The following PTPRD variants were observed in gnomAD, a reference collection of about 807,000 sequenced individuals.
PTPRD encodes the protein receptor-type tyrosine-protein phosphatase delta.
In PTPRD, 34 loss-of-function variants were observed where a neutral mutation model predicts 214.5. The ratio of observed to expected loss-of-function variants is 0.16; its 90% CI spans 0.12 to 0.21. PTPRD has a LOEUF of 0.21. Ranked by LOEUF, PTPRD falls within the 10% of genes least tolerant of loss-of-function variation. The pLI, the probability that PTPRD is intolerant of heterozygous loss-of-function variation, is 1.00. For synonymous variants in PTPRD, 1,128 were observed against 845.7 expected (o/e 1.33, Z -5.79); for missense variants, 2,545 against 2,398.7 (o/e 1.06, Z -1.27).
chr9:10,152,251 A>T (rs2099065972), intron 3 of PTPRD, among the ~76,000 whole-genome samples: 1 of 152,080 alleles, frequency 6.6e-6, no homozygotes, highest in South Asian at 2.1e-4. Context: ...TCATGGTTTC[A>T]ATCTGTATTT....
chr9:10,009,698 G>C (rs1411133155), intron 4 of PTPRD, among the ~76,000 whole-genome samples: 1 of 105,050 alleles, frequency 9.5e-6, no homozygotes, highest in Admixed American at 9.4e-5. Context: ...AAAGGGAAGG[G>C]GATTTACGGA....
chr9:10,393,205 T>C (rs1047709516), intron 2 of PTPRD, among the ~76,000 whole-genome samples: 3 of 151,848 alleles, frequency 2.0e-5, no homozygotes, highest in African/African-American at 7.2e-5. Flanking sequence ...ATAGTGTCCA[T>C]AGTAATAAAC....
chr9:9,387,730 G>T (rs1000855072), intron 9 of PTPRD, among the ~76,000 whole-genome samples: 1 of 152,134 alleles, frequency 6.6e-6, no homozygotes, highest in Non-Finnish European at 1.5e-5. Flanking sequence ...GGGCCTATGG[G>T]ATGGGGGCAT....
intron 2 of PTPRD, among the ~76,000 whole-genome samples, chr9:10,511,907 T>A (rs1332889978): frequency 7.9e-6 from 1 of 127,038 alleles, no homozygotes; most frequent in Non-Finnish European, 1.7e-5. Flanking sequence ...TATATACATA[T>A]ATATATACGT....
At chr9:10,271,276 A>G (rs2094402924) in intron 3 of PTPRD, among the ~76,000 whole-genome samples, 3 of 152,164 alleles carry the variant, frequency 2.0e-5, no homozygotes, top group Non-Finnish European at 4.4e-5. Flanking sequence ...GGAACAGAAG[A>G]CAATCTATGT....
intron 3 of PTPRD, among the ~76,000 whole-genome samples, chr9:10,089,407 A>G (rs1490663310): frequency 6.6e-6 from 1 of 151,610 alleles, no homozygotes; most frequent in Non-Finnish European, 1.5e-5. Flanking sequence ...TTAAAAAAGT[A>G]TGGCATGTAA....
At chr9:9,600,262 G>C (rs1018534548) in intron 7 of PTPRD, among the ~76,000 whole-genome samples, 20 of 152,116 alleles carry the variant, frequency 1.3e-4, no homozygotes, top group African/African-American at 3.4e-4. Flanking sequence ...AATAATGGCA[G>C]GAGAGGAAGT....
At chr9:8,500,558 GAAAAAAAA>G (rs146807692) in intron 24 of PTPRD, among the ~76,000 whole-genome samples, 188 bp downstream of exon 24, 23 of 14,314 alleles carry the variant, frequency 1.6e-3, no homozygotes, top group African/African-American at 4.1e-3. Flanking sequence ...TGAAAAAAAT[GAAAAAAAA>G]AAAAAAAAAA....
At chr9:9,763,925 C>A (rs985847270) in intron 6 of PTPRD, among the ~76,000 whole-genome samples, 1 of 152,076 alleles carries the variant, frequency 6.6e-6, no homozygotes, top group Non-Finnish European at 1.5e-5. Flanking sequence ...CTATATATGA[C>A]TGATATTTGG....
intron 8 of PTPRD, among the ~76,000 whole-genome samples, chr9:9,477,937 G>A (rs1242218050): frequency 2.6e-5 from 4 of 152,160 alleles, no homozygotes; most frequent in Admixed American, 2.0e-4. Context: ...GCTGGAGATT[G>A]ATTTGTGTAT....
intron 11 of PTPRD, among the ~76,000 whole-genome samples, chr9:8,809,915 A>G (rs1600519392): frequency 6.6e-6 from 1 of 152,182 alleles, no homozygotes; most frequent in East Asian, 1.9e-4. Context: ...CCATCAACAG[A>G]TGTCATAAGA....
intron 2 of PTPRD, among the ~76,000 whole-genome samples, chr9:10,581,856 A>T (rs1215403939): frequency 6.6e-6 from 1 of 152,200 alleles, no homozygotes; most frequent in African/African-American, 2.4e-5. Flanking sequence ...ACAGGTTCTT[A>T]TATTAATAAT....
intron 8 of PTPRD, among the ~76,000 whole-genome samples, chr9:9,460,623 G>C (rs1000821813): frequency 3.9e-4 from 59 of 151,912 alleles, no homozygotes; most frequent in African/African-American, 1.4e-3. Context: ...ACCACAATAA[G>C]ATACCATCTT....
At chr9:8,744,417 A>G (rs1188404869) in intron 11 of PTPRD, among the ~76,000 whole-genome samples, 2 of 152,254 alleles carry the variant, frequency 1.3e-5, no homozygotes, top group African/African-American at 2.4e-5. Context: ...TCAATCAACG[A>G]GTGGATAAAG....
chr9:9,071,727 A>G, intron 10 of PTPRD, among the ~76,000 whole-genome samples: 1 of 152,324 alleles, frequency 6.6e-6, no homozygotes, highest in South Asian at 2.1e-4. Context: ...ATACATGACC[A>G]TGTAAGATCT....
chr9:8,564,351 T>C (rs1034631556), intron 14 of PTPRD, among the ~76,000 whole-genome samples: 5 of 152,152 alleles, frequency 3.3e-5, no homozygotes, highest in Non-Finnish European at 7.3e-5. Flanking sequence ...ATGATGCATC[T>C]GTATACATAC....
intron 39 of PTPRD, among the ~76,000 whole-genome samples, chr9:8,368,835 A>C (rs1233881736): frequency 1.3e-5 from 2 of 152,038 alleles, no homozygotes; most frequent in Non-Finnish European, 2.9e-5. Flanking sequence ...TCTTATACAG[A>C]ATTATTGGTG....
intron 9 of PTPRD, among the ~76,000 whole-genome samples, chr9:9,312,395 C>A (rs1034672594): frequency 5.9e-5 from 9 of 152,116 alleles, no homozygotes; most frequent in African/African-American, 2.2e-4. Flanking sequence ...CTACATTGTA[C>A]AGCATGTCTT....
intron 10 of PTPRD, among the ~76,000 whole-genome samples, chr9:9,120,262 T>C (rs1302710589): frequency 2.0e-5 from 3 of 152,250 alleles, no homozygotes; most frequent in Non-Finnish European, 4.4e-5. Context: ...AAGTGCTTAT[T>C]AATAACATCT....
Sources: allele counts gnomAD v4.1 joint callset (sites outside exome capture counted in the v4.1 genomes callset), GRCh38; gene constraint gnomAD v4.1.1; transcripts MANE v1.5; gene names NCBI Gene and HGNC (gene_info 2026-07-23, HGNC 2026-07-21).